RBFOX1: variants seen among roughly 807,000 people sequenced by gnomAD.
RBFOX1 encodes RNA binding fox-1 homolog 1.
A neutral mutation model predicts 57.7 loss-of-function variants in RBFOX1; 8 were observed. That is an observed-to-expected ratio of 0.14 (90% CI 0.08 to 0.25). The LOEUF is 0.25. Among genes scored for constraint, RBFOX1 ranks in the 10% least tolerant of loss-of-function variants. The probability of loss-of-function intolerance (pLI) is 1.00; values close to 1 mark genes in which losing one functional copy is unlikely to be tolerated. For missense variants in RBFOX1, 611 were observed against 548.5 expected (o/e 1.11, Z -1.14); for synonymous variants, 326 against 222.4 (o/e 1.47, Z -4.15).
intron 3 of RBFOX1, among the ~76,000 whole-genome samples, chr16:5,752,873 G>C (rs771616081): frequency 1.3e-5 from 2 of 152,140 alleles, no homozygotes; most frequent in South Asian, 2.1e-4. Context: ...AATTCACCCA[G>C]AACATTGTAC....
intron 3 of RBFOX1, among the ~76,000 whole-genome samples, chr16:6,943,715 A>G (rs1367836269): frequency 6.6e-6 from 1 of 151,920 alleles, no homozygotes; most frequent in Non-Finnish European, 1.5e-5. Context: ...CTTTAAAAAA[A>G]AAAAAAAAAA....
chr16:6,578,138 C>T (rs576110982), intron 2 of RBFOX1, among the ~76,000 whole-genome samples: 2 of 152,320 alleles, frequency 1.3e-5, no homozygotes, highest in African/African-American at 4.8e-5. Flanking sequence ...GTAAAACGAC[C>T]AGTTACCTGC....
At chr16:6,938,247 G>A (rs2077704336) in intron 3 of RBFOX1, among the ~76,000 whole-genome samples, 1 of 152,136 alleles carries the variant, frequency 6.6e-6, no homozygotes, top group Admixed American at 6.6e-5. Context: ...TATCAGGTAG[G>A]TTGCAGATAC....
chr16:7,374,946 G>C (rs74677015), intron 4 of RBFOX1, among the ~76,000 whole-genome samples: 3 of 152,134 alleles, frequency 2.0e-5, no homozygotes. Flanking sequence ...AATTTAAACG[G>C]AGCCTGGAGT....
chr16:6,144,740 C>A (rs191352690), intron 1 of RBFOX1, among the ~76,000 whole-genome samples: 2 of 152,312 alleles, frequency 1.3e-5, no homozygotes, highest in Admixed American at 1.3e-4. Context: ...ATGGATATTC[C>A]ATTATGCACA....
At chr16:7,465,301 T>C (rs2060309469) in intron 4 of RBFOX1, among the ~76,000 whole-genome samples, 1 of 152,240 alleles carries the variant, frequency 6.6e-6, no homozygotes, top group Admixed American at 6.5e-5. Context: ...TTAATTGATT[T>C]TCTGGCCTGC....
intron 1 of RBFOX1, among the ~76,000 whole-genome samples, chr16:6,285,156 T>A (rs960455489): frequency 7.9e-5 from 12 of 152,294 alleles, no homozygotes; most frequent in African/African-American, 2.4e-4. Context: ...TGGAAGAATC[T>A]GCTCAGTGGC....
intron 4 of RBFOX1, among the ~76,000 whole-genome samples, chr16:7,375,350 A>G (rs1377356870): frequency 6.6e-6 from 1 of 152,176 alleles, no homozygotes; most frequent in African/African-American, 2.4e-5. Flanking sequence ...TCTGATAATT[A>G]TAGCAGTAAC....
intron 4 of RBFOX1, among the ~76,000 whole-genome samples, chr16:7,233,957 C>T (rs140826201): frequency 3.3e-5 from 5 of 152,268 alleles, no homozygotes; most frequent in African/African-American, 1.2e-4. Flanking sequence ...TTGACTGGTC[C>T]TGGGAGAATA....
At chr16:6,447,394 T>G (rs2094505697) in intron 2 of RBFOX1, among the ~76,000 whole-genome samples, 1 of 152,194 alleles carries the variant, frequency 6.6e-6, no homozygotes, top group Non-Finnish European at 1.5e-5. Flanking sequence ...AATTGGACTA[T>G]ACAGAAATGG....
chr16:5,265,855 G>C (rs2062844512), intron 1 of RBFOX1, among the ~76,000 whole-genome samples: 1 of 152,204 alleles, frequency 6.6e-6, no homozygotes, highest in African/African-American at 2.4e-5. Flanking sequence ...GTGTGTATCT[G>C]TGGGTGGATG....
At position 7,427,554 on chromosome 16, in the gene RBFOX1, C is replaced by T. The variant is rs59872412; in HGVS notation, c.28-90593C>T. On this transcript the variant is annotated intron_variant, in intron 4 of 15. Coordinates refer to ENST00000550418, the MANE Select transcript of RBFOX1 (RefSeq NM_018723.4). ...TTCTGAGACATTAGGCCATCCTTTC[C>T]CCTCCAATTTTACCTTCCCTTGCCC... 6.4e-3 allele frequency among the ~76,000 whole-genome samples: 969 copies of T among 152,120 alleles called. 11 individuals are homozygous for T. The highest frequency in any genetic ancestry group is 0.021 in the African/African-American group (887 of 41,528).
chr16:7,499,850 A>C (rs1316480033), intron 4 of RBFOX1, among the ~76,000 whole-genome samples: 1 of 152,094 alleles, frequency 6.6e-6, no homozygotes, highest in African/African-American at 2.4e-5. Context: ...AGTTGCACAC[A>C]ATTATTGGGC....
At chr16:7,500,641 C>G (rs530532603) in intron 4 of RBFOX1, among the ~76,000 whole-genome samples, 34 of 152,314 alleles carry the variant, frequency 2.2e-4, no homozygotes, top group African/African-American at 7.9e-4. Context: ...GGGCATTTCA[C>G]TGAGTTACCT....
chr16:6,036,288 T>C (rs1374276776), intron 1 of RBFOX1, among the ~76,000 whole-genome samples: 4 of 152,178 alleles, frequency 2.6e-5, no homozygotes, highest in Non-Finnish European at 5.9e-5. Flanking sequence ...ACTTCTGATG[T>C]ATAAAGGCAT....
At chr16:5,623,166 G>A (rs1267268191) in intron 3 of RBFOX1, among the ~76,000 whole-genome samples, 1 of 152,200 alleles carries the variant, frequency 6.6e-6, no homozygotes, top group Non-Finnish European at 1.5e-5. Context: ...AGCCACCAGT[G>A]AAGTGAGCAG....
chr16:7,093,665 T>G (rs1232911080), intron 4 of RBFOX1, among the ~76,000 whole-genome samples: 1 of 152,136 alleles, frequency 6.6e-6, no homozygotes, highest in African/African-American at 2.4e-5. Context: ...CCCTCTAGCT[T>G]AACCATTCAT....
At chr16:5,340,197 T>C (rs890313845) in intron 1 of RBFOX1, among the ~76,000 whole-genome samples, 51 of 152,176 alleles carry the variant, frequency 3.4e-4, no homozygotes, top group African/African-American at 1.2e-3. Flanking sequence ...TGCTTACATC[T>C]GGGGCTTTTA....
intron 3 of RBFOX1, among the ~76,000 whole-genome samples, chr16:6,879,078 C>A (rs2062396774): frequency 6.6e-6 from 1 of 152,202 alleles, no homozygotes; most frequent in Admixed American, 6.5e-5. Context: ...AAGAAGTTTT[C>A]AGAAAGCCAA....
Sources: gnomAD v4.1 joint callset for allele counts (sites outside exome capture counted in the v4.1 genomes callset) on GRCh38, gnomAD v4.1.1 for gene constraint, MANE v1.5 for transcripts, NCBI Gene and HGNC (gene_info 2026-07-23, HGNC 2026-07-21) for gene names.